The following UBE2Q1 variants were observed in gnomAD, a reference collection of about 807,000 sequenced individuals.
The protein encoded by UBE2Q1 is ubiquitin-conjugating enzyme E2 Q1.
Under a neutral mutation model 60.1 loss-of-function variants are expected in UBE2Q1, and 6 were observed. The ratio of observed to expected loss-of-function variants is 0.10; its 90% CI spans 0.05 to 0.20. The LOEUF (loss-of-function observed/expected upper bound fraction) is 0.20, where lower values mean the gene tolerates loss of function less well. Among genes scored for constraint, UBE2Q1 ranks in the 10% least tolerant of loss-of-function variants. The probability of loss-of-function intolerance (pLI) is 1.00; values close to 1 mark genes in which losing one functional copy is unlikely to be tolerated. For missense variants in UBE2Q1, 262 were observed against 525.8 expected (o/e 0.50, Z 4.91); for synonymous variants, 226 against 208.3 (o/e 1.09, Z -0.73).
At chr1:154,551,366 G>A in intron 11 of UBE2Q1, 31 bp downstream of exon 11, 2 of 1,608,588 alleles carry the variant, frequency 1.2e-6, no homozygotes, top group Non-Finnish European at 1.7e-6. Context: ...GCTCCACCCA[G>A]CCCCACCAGC....
chr1:154,553,535 G>A (rs1037967331), intron 4 of UBE2Q1: 5 of 184,674 alleles, frequency 2.7e-5, no homozygotes, highest in Non-Finnish European at 4.6e-5. Context: ...GAAATGACTT[G>A]GGCCTGACCC....
At chr1:154,551,212 T>C in intron 11 of UBE2Q1, 185 bp downstream of exon 11, 1 of 835,254 alleles carries the variant, frequency 1.2e-6, no homozygotes. Flanking sequence ...CCAAAAGTCC[T>C]AGGGGTGCCC....
chr1:154,553,038 G>A lies in UBE2Q1; in HGVS notation c.723C>T (p.Tyr241=), dbSNP rs1410003434. Residue 241 remains tyrosine (Y), a synonymous_variant, in exon 5 of 13, where the codon TAC becomes TAT. Transcript: ENST00000292211. ...EKIKKNQRQD[Y]LNGAVSGSVQ... is the part of the protein sequence containing the mutation. ...CTCTCTAGAAGGCACGTACATTTAA[G>A]TAATCTTGCCTCTGGTTCTTTTTAA... 2 of 1,613,954 alleles carry A rather than the reference G, an allele frequency of 1.2e-6. No individual in the cohort carries two copies. Among genetic ancestry groups the A allele is most frequent in the East Asian group, 4.5e-5 (2 of 44,884 alleles).
rs1427399074 is a variant in UBE2Q1, at chr1:154,552,150, G to A, written c.909C>T (p.Leu303=). The A allele has an allele frequency of 1.2e-6, 2 of 1,614,094 alleles. No homozygotes were observed. Among genetic ancestry groups the A allele is most frequent in the Admixed American group, 1.7e-5 (1 of 60,010 alleles). Residue 303 remains leucine, a synonymous_variant, in exon 8 of 13, where the codon CTC becomes CTT. Coordinates refer to ENST00000292211, the MANE Select transcript of UBE2Q1 (RefSeq NM_017582.7). ...CTCCTTCTTTCTCTTTGAGGATCTG[G>A]AGATCGTTGTGCAAAGCGCTGTCCT... is the stretch of plus-strand genomic sequence containing the variant. ...VDQDSALHND[L]QILKEKEGAD...
Position 154,551,529 on chromosome 1 carries a change from T to C in UBE2Q1, c.1075-37A>G, listed in dbSNP as rs760330656. 4 of 1,604,648 alleles carry C rather than the reference T, an allele frequency of 2.5e-6. 1 individual carries two copies. The highest frequency in any genetic ancestry group is 2.2e-5 in the South Asian group (2 of 90,832). On this transcript the variant is annotated intron_variant, in intron 10 of 12. Transcript: ENST00000292211. ...GAAGGACAAGGCAAGCAGGTCCAGA[T>C]GGAGCTTCCAGAGAACCCTCATGCT...
intron 11 of UBE2Q1, 191 bp downstream of exon 11, chr1:154,551,206 A>G (rs1695786143): frequency 1.2e-6 from 1 of 831,598 alleles, no homozygotes. Flanking sequence ...AACCTCCCAA[A>G]AGTCCTAGGG....
At chr1:154,554,662 G>A (rs1177629915) in intron 4 of UBE2Q1, 73 bp downstream of exon 4, 1 of 1,481,584 alleles carries the variant, frequency 6.7e-7, no homozygotes, top group Non-Finnish European at 9.3e-7. Flanking sequence ...TTAGACTGGA[G>A]TTCTGGATAT....
intron 3 of UBE2Q1, 62 bp from the exon 4 acceptor site, chr1:154,554,847 C>A: frequency 6.4e-7 from 1 of 1,565,792 alleles, no homozygotes; most frequent in South Asian, 1.1e-5. Flanking sequence ...ATGCAGCCTC[C>A]AACCTACTCC....
chr1:154,553,098 G>A lies in UBE2Q1; in HGVS notation c.663C>T (p.Gly221=). The change falls in exon 5 of 13, where the codon GGC becomes GGT. Residue 221 remains glycine (G), a synonymous_variant. Coordinates refer to ENST00000292211, the MANE Select transcript of UBE2Q1 (RefSeq NM_017582.7). ...PAEGKKSEDD[G]IGKENLAILE... is the part of the protein sequence containing the mutation. ...GGATGGCCAAGTTTTCTTTTCCAAT[G>A]CCATCATCTTCAGATTTCTTGCCCT... 6.2e-7 allele frequency: 1 copy of A among 1,614,020 alleles called. No individual in the cohort carries two copies. Among genetic ancestry groups the A allele is most frequent in the Admixed American group, 1.7e-5 (1 of 60,006 alleles).
In UBE2Q1 at chr1:154,550,297, A is replaced by G; in HGVS notation, c.*141T>C. 2 of 1,117,558 alleles carry G rather than the reference A, an allele frequency of 1.8e-6. No homozygotes were observed. Among genetic ancestry groups the G allele is most frequent in the Non-Finnish European group, 2.6e-6 (2 of 760,390 alleles). The allele number at this position is 1,117,558 out of a possible 1,614,324, so 69.2% of individuals were successfully genotyped here. A position where few individuals can be genotyped will look rare whatever the true frequency, so the allele number is the denominator to read the frequency against. ...TTCCTTAGCGTTTAGAATAGCCATC[A>G]TTGTCCTGCAATAGGCAGAGCTATC... On this transcript the variant is annotated 3_prime_UTR_variant, in exon 13 of 13. Coordinates refer to ENST00000292211, the MANE Select transcript of UBE2Q1 (RefSeq NM_017582.7).
chr1:154,550,176 T>G lies in UBE2Q1; in HGVS notation c.*262A>C. The stretch of plus-strand genomic sequence containing the variant: ...AATATAAGGAGGCTCGAAAGTTTCT[T>G]TTATAAGAATGCCTGCTAGCAAGGG... On this transcript the variant is annotated 3_prime_UTR_variant, in exon 13 of 13. Transcript: ENST00000292211. 1 of 470,730 alleles carries G rather than the reference T, an allele frequency of 2.1e-6. No homozygotes were observed. The highest frequency in any genetic ancestry group is 3.8e-6 in the Non-Finnish European group (1 of 264,222). 29.2% of individuals were successfully genotyped at this position (470,730 alleles called of 1,614,324 possible). A position where few individuals can be genotyped will look rare whatever the true frequency, so the allele number is the denominator to read the frequency against.
chr1:154,550,586 G>A (rs965794361), intron 12 of UBE2Q1, 117 bp from the exon 13 acceptor site: 8 of 1,557,384 alleles, frequency 5.1e-6, no homozygotes, highest in African/African-American at 1.4e-5. Context: ...GGAGGGCTAT[G>A]CTGTGTGGGG....
Position 154,550,159 on chromosome 1 carries a change from G to C in UBE2Q1, c.*279C>G, listed in dbSNP as rs529237726. ...ACAGCTGAGTTTCCAGCAATATAAGGAGGCTCGAAAGTTTCTTTTATAAGA... is the reference window on the plus strand; with the variant it reads ...ACAGCTGAGTTTCCAGCAATATAAGCAGGCTCGAAAGTTTCTTTTATAAGA... On this transcript the variant is annotated 3_prime_UTR_variant, in exon 13 of 13. Transcript: ENST00000292211. 2.2e-6 allele frequency: 1 copy of C among 445,546 alleles called. No individual in the cohort carries two copies. Among genetic ancestry groups the C allele is most frequent in the Admixed American group, 3.8e-5 (1 of 26,096 alleles). 27.6% of individuals were successfully genotyped at this position (445,546 alleles called of 1,614,324 possible).
At chr1:154,554,163 T>C (rs1695843466) in intron 4 of UBE2Q1, among the ~76,000 whole-genome samples, 1 of 152,222 alleles carries the variant, frequency 6.6e-6, no homozygotes, top group African/African-American at 2.4e-5. Context: ...ATGCGGAAGC[T>C]GAGTCTAGTG....
chr1:154,553,540 T>C (rs766377575), intron 4 of UBE2Q1: 14 of 181,398 alleles, frequency 7.7e-5, no homozygotes, highest in East Asian at 4.2e-4. Context: ...GACTTGGGCC[T>C]GACCCTGTGA....
At chr1:154,555,184 C>T (rs888889841) in intron 3 of UBE2Q1, among the ~76,000 whole-genome samples, 2 of 152,178 alleles carry the variant, frequency 1.3e-5, no homozygotes, top group African/African-American at 4.8e-5. Context: ...TTCCCCCGCT[C>T]CCTTTCAACA....
Position 154,550,484 on chromosome 1 carries a change from A to C in UBE2Q1, c.1238-15T>G. Reference sequence around the variant, plus strand: ...TGTGTACCAGCCTGCAAAGAAATGGAATGGTCAGTGAGGTGAAGGTTCAGG... The same window carrying C: ...TGTGTACCAGCCTGCAAAGAAATGGCATGGTCAGTGAGGTGAAGGTTCAGG... On this transcript the variant is annotated splice_polypyrimidine_tract_variant and intron_variant, in intron 12 of 12. Transcript: ENST00000292211. 6.2e-7 allele frequency: 1 copy of C among 1,613,866 alleles called. No individual in the cohort carries two copies. Among genetic ancestry groups the C allele is most frequent in the South Asian group, 1.1e-5 (1 of 91,072 alleles).
At chr1:154,550,878 G>T in intron 12 of UBE2Q1, 60 bp downstream of exon 12, 1 of 1,613,622 alleles carries the variant, frequency 6.2e-7, no homozygotes, top group South Asian at 1.1e-5. Flanking sequence ...TCTGTGGCTG[G>T]AAGTGAAAAC....
At chr1:154,550,663 T>C in intron 12 of UBE2Q1, 194 bp from the exon 13 acceptor site, 1 of 985,212 alleles carries the variant, frequency 1.0e-6, no homozygotes, top group Non-Finnish European at 1.2e-6. Context: ...GTGCCCAACC[T>C]GAGATGATGG....
Sources: allele counts gnomAD v4.1 joint callset (sites outside exome capture counted in the v4.1 genomes callset), GRCh38; gene constraint gnomAD v4.1.1; transcripts MANE v1.5; gene names NCBI Gene and HGNC (gene_info 2026-07-23, HGNC 2026-07-21).